CDC14A: variants seen among roughly 807,000 people sequenced by gnomAD.
CDC14A encodes dual specificity protein phosphatase CDC14A.
A neutral mutation model predicts 74.4 loss-of-function variants in CDC14A; 53 were observed. The observed-to-expected ratio is 0.71, with a 90% CI of 0.57 to 0.89. CDC14A has a LOEUF of 0.89. Among genes scored for constraint, CDC14A ranks in the 40% least tolerant of loss-of-function variants. The pLI is 0.00. For synonymous variants in CDC14A, 247 were observed against 258.4 expected (o/e 0.96, Z 0.43); for missense variants, 646 against 713.7 (o/e 0.91, Z 1.08).
intron 4 of CDC14A, among the ~76,000 whole-genome samples, chr1:100,407,214 G>GTT (rs199803630): frequency 1.3e-5 from 2 of 151,206 alleles, no homozygotes; most frequent in African/African-American, 2.4e-5. Context: ...TTTTAAAATA[G>GTT]TTTTTTTTTC....
In CDC14A at chr1:100,519,869, A is replaced by G. The variant is rs1279384241; in HGVS notation, c.*1589A>G. ...TTGGTTAATTGTATAGGAAGATGAC[A>G]GTATTTTTTTCAAGTTATCATAAAA... On this transcript the variant is annotated 3_prime_UTR_variant, in exon 16 of 16. Transcript: ENST00000336454. 1 of 152,364 alleles carries G rather than the reference A, an allele frequency of 6.6e-6. No homozygotes were observed. Among genetic ancestry groups the G allele is most frequent in the African/African-American group, 2.4e-5 (1 of 41,462 alleles). 9.4% of individuals were successfully genotyped at this position (152,364 alleles called of 1,614,324 possible).
chr1:100,424,933 T>G (rs7519353), intron 5 of CDC14A, among the ~76,000 whole-genome samples: 3,009 of 149,442 alleles, frequency 0.02, 110 homozygotes, highest in African/African-American at 0.074. Flanking sequence ...TTTGGGAGGC[T>G]GAGGCTGGTG....
intron 4 of CDC14A, among the ~76,000 whole-genome samples, chr1:100,414,264 G>C (rs768899935): frequency 6.6e-6 from 1 of 151,562 alleles, no homozygotes; most frequent in Non-Finnish European, 1.5e-5. Context: ...CCAGGAGTTC[G>C]AGACCAGCGT....
intron 8 of CDC14A, among the ~76,000 whole-genome samples, chr1:100,460,928 A>G (rs1339422213): frequency 6.6e-6 from 1 of 152,188 alleles, no homozygotes; most frequent in African/African-American, 2.4e-5. Flanking sequence ...TAGCTCATAG[A>G]CTTTAAGAAA....
At position 100,508,122 on chromosome 1, in the gene CDC14A, T is replaced by C. The variant is rs867543007; in HGVS notation, c.1755+8860T>C. On this transcript the variant is annotated intron_variant, in intron 15 of 15. Coordinates refer to ENST00000336454, the MANE Select transcript of CDC14A (RefSeq NM_003672.4). The surrounding 1 kb of genome is among the most constrained non-coding windows in gnomAD (Gnocchi z 4.4). ...TTTTCAATTCGTGAATTTTCTTTAA[T>C]GTGTCCATTCTGGAGTATATCCCCC... Among the ~76,000 whole-genome samples, 3 of 152,148 alleles carry C rather than the reference T, an allele frequency of 2.0e-5. No individual in the cohort carries two copies. The highest frequency in any genetic ancestry group is 3.2e-3 in the Middle Eastern group (1 of 316).
intron 2 of CDC14A, among the ~76,000 whole-genome samples, chr1:100,366,144 C>T (rs954832915): frequency 6.6e-6 from 1 of 152,184 alleles, no homozygotes; most frequent in East Asian, 1.9e-4. Flanking sequence ...AGACAAAAAA[C>T]GTCAGCAGTG....
intron 3 of CDC14A, among the ~76,000 whole-genome samples, chr1:100,387,945 T>C (rs1657106805): frequency 1.3e-5 from 2 of 152,184 alleles, no homozygotes; most frequent in Non-Finnish European, 2.9e-5. Flanking sequence ...TTTCAGCAAG[T>C]AGATTTGTAA....
Position 100,353,868 on chromosome 1 carries a change from G to GTT in CDC14A, c.140+24_140+25dup. ...TCTATGAAAAGTAAGTTTATGTTTT[G>GTT]TTTTTTTTTCTCTTGGCCATTCAGC... On this transcript the variant is annotated intron_variant, in intron 2 of 15. Transcript: ENST00000336454. 1.2e-5 allele frequency: 18 copies of GTT among 1,463,344 alleles called. No homozygotes were observed. Among genetic ancestry groups the GTT allele is most frequent in the East Asian group, 2.3e-5 (1 of 42,864 alleles). The allele number at this position is 1,463,344 out of a possible 1,614,324, so 90.6% of individuals were successfully genotyped here.
At chr1:100,352,037 G>A (rs955106966), upstream of CDC14A, among the ~76,000 whole-genome samples, 6 of 147,498 alleles carry the variant, frequency 4.1e-5, no homozygotes, top group Non-Finnish European at 9.1e-5. Context: ...GTTTAGAAGA[G>A]CATGGGTGAG....
chr1:100,498,303 CAA>C lies in CDC14A; in HGVS notation c.1421+97_1421+98del, dbSNP rs1479729138. On this transcript the variant is annotated intron_variant, in intron 14 of 15. Coordinates refer to ENST00000336454, the MANE Select transcript of CDC14A (RefSeq NM_003672.4). ...GCTGCAGTTTTGTCAGAGGAGGGGA[CAA>C]GGGAGAAGAGGAGAAACCACGGAAG... 4 of 1,398,070 alleles carry C rather than the reference CAA, an allele frequency of 2.9e-6. No homozygotes were observed. In the Admixed American group the frequency reaches 8.1e-5, roughly 28 times the overall value. The allele number at this position is 1,398,070 out of a possible 1,614,324, so 86.6% of individuals were successfully genotyped here.
rs17122374 is a variant in CDC14A, at chr1:100,392,324, G to T, written c.309+1500G>T. On this transcript the variant is annotated intron_variant, in intron 4 of 15. Transcript: ENST00000336454. The stretch of plus-strand genomic sequence containing the variant: ...TGGAAAAAGACTGTACTAATTTCTG[G>T]ATTCAAGCCCTGTAAACAAACGTGT... Among the ~76,000 whole-genome samples the T allele has an allele frequency of 9.2e-3, 1,402 of 152,264 alleles. 27 individuals are homozygous for T. The highest frequency in any genetic ancestry group is 0.032 in the African/African-American group (1,333 of 41,544).
chr1:100,377,872 G>A (rs968446383), intron 3 of CDC14A, among the ~76,000 whole-genome samples: 3 of 152,192 alleles, frequency 2.0e-5, no homozygotes, highest in African/African-American at 7.2e-5. Context: ...ATCTAAGAAA[G>A]AAAGCACAAA....
At chr1:100,482,833 T>C (rs533682669) in intron 10 of CDC14A, among the ~76,000 whole-genome samples, 1 of 152,134 alleles carries the variant, frequency 6.6e-6, no homozygotes, top group African/African-American at 2.4e-5. Context: ...TATCTATATA[T>C]ATATTTTTTT....
chr1:100,494,246 A>C (rs1256245330), intron 11 of CDC14A, among the ~76,000 whole-genome samples: 1 of 152,138 alleles, frequency 6.6e-6, no homozygotes, highest in Non-Finnish European at 1.5e-5. Context: ...CTAGCATGGT[A>C]CTTCTATTTT....
At chr1:100,400,653 G>A (rs534974828) in intron 4 of CDC14A, among the ~76,000 whole-genome samples, 1 of 152,188 alleles carries the variant, frequency 6.6e-6, no homozygotes, top group East Asian at 1.9e-4. Flanking sequence ...TATTTTTGGT[G>A]GCTTTGAAAC....
chr1:100,489,843 A>C (rs963498535), intron 11 of CDC14A, among the ~76,000 whole-genome samples: 2 of 152,110 alleles, frequency 1.3e-5, no homozygotes, highest in African/African-American at 4.8e-5. Context: ...GTTTCTTTTC[A>C]GCAGATTCCA....
intron 10 of CDC14A, among the ~76,000 whole-genome samples, chr1:100,477,221 G>A (rs1368400199): frequency 1.3e-5 from 2 of 152,022 alleles, no homozygotes; most frequent in South Asian, 2.1e-4. Flanking sequence ...CCACATTTAC[G>A]GTAATGCTTT....
At chr1:100,507,034 G>T (rs1649292974) in intron 15 of CDC14A, among the ~76,000 whole-genome samples, 1 of 152,122 alleles carries the variant, frequency 6.6e-6, no homozygotes, top group Non-Finnish European at 1.5e-5. Flanking sequence ...TAAATGAAAT[G>T]GAAACTTATC....
At chr1:100,440,909 C>T (rs903203922) in intron 6 of CDC14A, among the ~76,000 whole-genome samples, 3 of 152,110 alleles carry the variant, frequency 2.0e-5, no homozygotes, top group Admixed American at 2.0e-4. Context: ...CTTTTTCTTT[C>T]TACTTAAACA....
Sources: gnomAD v4.1 joint callset for allele counts (sites outside exome capture counted in the v4.1 genomes callset) on GRCh38, gnomAD v4.1.1 for gene constraint, Gnocchi (gnomAD v3.1) non-coding constraint, MANE v1.5 for transcripts, NCBI Gene and HGNC (gene_info 2026-07-23, HGNC 2026-07-21) for gene names.